MYO16: variants seen among roughly 807,000 people sequenced by gnomAD.
The protein encoded by MYO16 is unconventional myosin-XVI.
MYO16 carries 94 observed loss-of-function variants against 205.3 expected under a neutral mutation model. The observed-to-expected ratio is 0.46, with a 90% CI of 0.39 to 0.54. MYO16 has a LOEUF of 0.54. Among genes scored for constraint, MYO16 ranks in the 20% least tolerant of loss-of-function variants. MYO16 has a pLI of 0.00. For synonymous variants in MYO16, 988 were observed against 954.0 expected (o/e 1.04, Z -0.66); for missense variants, 2,315 against 2,387.5 (o/e 0.97, Z 0.63).
At chr13:108,747,655 A>G (rs1292309816) in intron 4 of MYO16, among the ~76,000 whole-genome samples, 1 of 152,190 alleles carries the variant, frequency 6.6e-6, no homozygotes, top group East Asian at 1.9e-4. Context: ...GGAAATAGTT[A>G]CAAACACACA....
At chr13:109,011,498 C>CTTTTT (rs34575828) in intron 22 of MYO16, among the ~76,000 whole-genome samples, 121 of 129,634 alleles carry the variant, frequency 9.3e-4, no homozygotes, top group South Asian at 1.5e-3. Flanking sequence ...TTCTTCCTTT[C>CTTTTT]TTTTTTTTTT....
At chr13:108,943,831 C>T (rs1297444492) in intron 16 of MYO16, among the ~76,000 whole-genome samples, 4 of 151,852 alleles carry the variant, frequency 2.6e-5, no homozygotes, top group South Asian at 2.1e-4. Context: ...GTGATCCGCC[C>T]GCCTCGGCCT....
intron 16 of MYO16, among the ~76,000 whole-genome samples, chr13:108,915,929 C>G (rs1389813448): frequency 2.6e-5 from 4 of 152,106 alleles, no homozygotes; most frequent in Non-Finnish European, 4.4e-5. Flanking sequence ...GTACCTGTCA[C>G]GGGGAAGCCA....
chr13:108,776,968 C>T (rs559202946), intron 4 of MYO16, among the ~76,000 whole-genome samples: 1 of 152,266 alleles, frequency 6.6e-6, no homozygotes, highest in African/African-American at 2.4e-5. Flanking sequence ...GACACAGAGT[C>T]TGTGTCTGTG....
At chr13:108,709,008 A>G (rs1403092779) in intron 2 of MYO16, among the ~76,000 whole-genome samples, 1 of 113,432 alleles carries the variant, frequency 8.8e-6, no homozygotes, top group East Asian at 2.5e-4. Context: ...ACCCCCTCCC[A>G]CAGGCATCTC....
intron 1 of MYO16, among the ~76,000 whole-genome samples, chr13:108,597,874 T>C (rs185295415): frequency 6.6e-6 from 1 of 152,360 alleles, no homozygotes; most frequent in East Asian, 1.9e-4. Flanking sequence ...TCATATTATT[T>C]ATAATCTTGT....
the MYO16 span, among the ~76,000 whole-genome samples, chr13:108,516,495 C>A: frequency 1.3e-5 from 2 of 152,090 alleles, no homozygotes; most frequent in Admixed American, 6.5e-5. Flanking sequence ...CATCTTGGCT[C>A]GGGAAGTGAT....
chr13:108,669,033 A>T (rs1247776138), intron 2 of MYO16, among the ~76,000 whole-genome samples: 1 of 152,064 alleles, frequency 6.6e-6, no homozygotes, highest in African/African-American at 2.4e-5. Context: ...TGGAGACGTA[A>T]ATTGAAAACT....
chr13:108,876,859 G>T (rs954798007), intron 12 of MYO16, among the ~76,000 whole-genome samples: 4 of 151,788 alleles, frequency 2.6e-5, no homozygotes, highest in Admixed American at 2.0e-4. Flanking sequence ...GTAGAGATGG[G>T]GTTTTCCCAA....
intron 4 of MYO16, among the ~76,000 whole-genome samples, chr13:108,734,691 G>C (rs2139598397): frequency 6.6e-6 from 1 of 152,358 alleles, no homozygotes. Flanking sequence ...TATCAATGCT[G>C]CCGCCACCCA....
chr13:108,785,005 A>T (rs1388178324), intron 4 of MYO16, among the ~76,000 whole-genome samples: 1 of 152,140 alleles, frequency 6.6e-6, no homozygotes, highest in East Asian at 1.9e-4. Context: ...TGATGAAGGG[A>T]CCTTGGAAGC....
At chr13:108,541,090 T>G in the MYO16 span, among the ~76,000 whole-genome samples, 1 of 152,112 alleles carries the variant, frequency 6.6e-6, no homozygotes, top group African/African-American at 2.4e-5. Flanking sequence ...AACAGTTTCA[T>G]AGGGCAGTTG....
At chr13:109,070,968 T>C (rs1887905539) in intron 27 of MYO16, among the ~76,000 whole-genome samples, 1 of 152,182 alleles carries the variant, frequency 6.6e-6, no homozygotes, top group African/African-American at 2.4e-5. Flanking sequence ...AGAATACTCA[T>C]GGCATGCTCT....
intron 22 of MYO16, among the ~76,000 whole-genome samples, chr13:109,016,118 C>T (rs147614477): frequency 1.3e-5 from 2 of 152,280 alleles, no homozygotes; most frequent in Non-Finnish European, 2.9e-5. Context: ...AAATTTCCCT[C>T]TACACACTGA....
intron 16 of MYO16, among the ~76,000 whole-genome samples, chr13:108,912,733 G>T (rs75478090): frequency 1.2e-3 from 177 of 152,068 alleles, no homozygotes; most frequent in Non-Finnish European, 2.2e-3. Flanking sequence ...GTGAGGAAGA[G>T]AAGAGTTTTG....
intron 9 of MYO16, among the ~76,000 whole-genome samples, chr13:108,834,354 A>G (rs965380998): frequency 6.6e-6 from 1 of 152,172 alleles, no homozygotes; most frequent in African/African-American, 2.4e-5. Flanking sequence ...TTAGATTTCA[A>G]AGGGATGACT....
intron 24 of MYO16, among the ~76,000 whole-genome samples, chr13:109,050,270 CT>C (rs1204374842): frequency 6.6e-6 from 1 of 151,984 alleles, no homozygotes; most frequent in African/African-American, 2.4e-5. Flanking sequence ...TCTTTCATGA[CT>C]TTTTTTAATG....
At chr13:108,732,954 G>C (rs998940106) in intron 4 of MYO16, among the ~76,000 whole-genome samples, 1 of 152,138 alleles carries the variant, frequency 6.6e-6, no homozygotes, top group Non-Finnish European at 1.5e-5. Context: ...AAAAGTTGAC[G>C]TTGTAATTTT....
At chr13:108,594,897 C>T (rs1263654685), upstream of MYO16, among the ~76,000 whole-genome samples, 1 of 152,162 alleles carries the variant, frequency 6.6e-6, no homozygotes, top group African/African-American at 2.4e-5. Context: ...ACAGAAGTTT[C>T]TCTGATGATA....
Sources: gnomAD v4.1 joint callset for allele counts (sites outside exome capture counted in the v4.1 genomes callset) on GRCh38, gnomAD v4.1.1 for gene constraint, MANE v1.5 for transcripts, NCBI Gene and HGNC (gene_info 2026-07-23, HGNC 2026-07-21) for gene names.